Variants in CRIM1 observed in about 807,000 individuals in gnomAD.
The protein encoded by CRIM1 is cysteine rich transmembrane BMP regulator 1, also known as cysteine-rich motor neuron 1 protein.
In CRIM1, 32 loss-of-function variants were observed where a neutral mutation model predicts 116.4. The observed-to-expected ratio is 0.27, with a 90% CI of 0.21 to 0.37. The LOEUF is 0.37. CRIM1 is among the 10% of genes least tolerant of loss of function. The pLI, the probability that CRIM1 is intolerant of heterozygous loss-of-function variation, is 1.00. For synonymous variants in CRIM1, 590 were observed against 509.2 expected (o/e 1.16, Z -2.13); for missense variants, 1,331 against 1,354.8 (o/e 0.98, Z 0.28).
In CRIM1 at chr2:36,359,290, T is replaced by C. The variant is rs115875515; in HGVS notation, c.331+2667T>C. Reference sequence around the variant, plus strand: ...GGCTACGTTGTAAAAACATATTGCATGTTATAGAAATATTATCATGACTAA... The same window carrying C: ...GGCTACGTTGTAAAAACATATTGCACGTTATAGAAATATTATCATGACTAA... On this transcript the variant is annotated intron_variant, in intron 1 of 16. Transcript: ENST00000280527. 2.4e-3 allele frequency among the ~76,000 whole-genome samples: 359 copies of C among 152,360 alleles called. 3 individuals carry two copies. Among genetic ancestry groups the C allele is most frequent in the African/African-American group, 8.3e-3 (343 of 41,572 alleles).
intron 7 of CRIM1, among the ~76,000 whole-genome samples, chr2:36,497,374 T>C (rs913131369): frequency 6.6e-6 from 1 of 152,120 alleles, no homozygotes; most frequent in East Asian, 1.9e-4. Context: ...TAGAGTAATT[T>C]TGACAAAACA....
intron 7 of CRIM1, among the ~76,000 whole-genome samples, chr2:36,496,909 ACAG>A (rs1373076955): frequency 6.6e-6 from 1 of 152,190 alleles, no homozygotes; most frequent in Admixed American, 6.6e-5. Flanking sequence ...TTTTTAAAAA[ACAG>A]CACATACATC....
chr2:36,464,033 C>G (rs551058980), intron 4 of CRIM1, among the ~76,000 whole-genome samples: 4 of 152,178 alleles, frequency 2.6e-5, no homozygotes, highest in Admixed American at 1.3e-4. Flanking sequence ...CAAGAAAATA[C>G]TAAAAAGCTA....
chr2:36,372,347 A>G (rs930882669), intron 1 of CRIM1, among the ~76,000 whole-genome samples: 32 of 152,178 alleles, frequency 2.1e-4, no homozygotes, highest in Admixed American at 1.7e-3. Flanking sequence ...CCAACTTGTT[A>G]TTTAGTAATT....
At chr2:36,436,815 C>A (rs896468400) in intron 2 of CRIM1, among the ~76,000 whole-genome samples, 2 of 152,056 alleles carry the variant, frequency 1.3e-5, no homozygotes, top group African/African-American at 4.8e-5. Flanking sequence ...GGCAGTAAGA[C>A]TATAAATTAA....
intron 16 of CRIM1, among the ~76,000 whole-genome samples, 166 bp downstream of exon 16, chr2:36,547,337 G>A (rs1191048219): frequency 2.0e-5 from 3 of 152,136 alleles, no homozygotes. Context: ...CATAGTACTT[G>A]CCCAGGGCTG....
chr2:36,408,815 G>A (rs1673003434), intron 2 of CRIM1, among the ~76,000 whole-genome samples: 1 of 152,084 alleles, frequency 6.6e-6, no homozygotes, highest in African/African-American at 2.4e-5. Context: ...CTGTGCAAGG[G>A]AAGTTCAAGA....
intron 1 of CRIM1, among the ~76,000 whole-genome samples, chr2:36,381,303 C>T (rs938255069): frequency 2.6e-5 from 4 of 152,192 alleles, no homozygotes; most frequent in Non-Finnish European, 2.9e-5. Flanking sequence ...TGCTGCCCAG[C>T]GCGGCCCCAC....
intron 5 of CRIM1, among the ~76,000 whole-genome samples, chr2:36,471,736 C>CAA (rs1678533499): frequency 6.9e-6 from 1 of 145,610 alleles, no homozygotes; most frequent in South Asian, 2.1e-4. Context: ...AACACACACA[C>CAA]ACACACACAC....
At chr2:36,430,195 A>ACT (rs753855147) in intron 2 of CRIM1, among the ~76,000 whole-genome samples, 7 of 152,206 alleles carry the variant, frequency 4.6e-5, no homozygotes, top group Non-Finnish European at 8.8e-5. Flanking sequence ...AACAGGGAGT[A>ACT]CTTTTTCCAC....
intron 2 of CRIM1, among the ~76,000 whole-genome samples, chr2:36,418,308 T>A (rs560713739): frequency 1.1e-4 from 16 of 152,240 alleles, no homozygotes; most frequent in Admixed American, 2.0e-4. Context: ...TGAGCTCTTT[T>A]TATTGTTTGC....
intron 14 of CRIM1, among the ~76,000 whole-genome samples, chr2:36,542,216 G>C (rs1558420172): frequency 6.6e-6 from 1 of 152,196 alleles, no homozygotes; most frequent in Admixed American, 6.5e-5. Context: ...AGACCCATGG[G>C]GGCCAGGATT....
At chr2:36,526,636 A>G (rs545296695) in intron 13 of CRIM1, among the ~76,000 whole-genome samples, 84 of 152,064 alleles carry the variant, frequency 5.5e-4, no homozygotes, top group African/African-American at 1.8e-3. Flanking sequence ...GACCACATCA[A>G]CCTTGCTCTA....
chr2:36,417,588 A>T (rs540922982), intron 2 of CRIM1, among the ~76,000 whole-genome samples: 2 of 152,156 alleles, frequency 1.3e-5, no homozygotes, highest in Admixed American at 6.5e-5. Context: ...AGGATCTTCA[A>T]AGCTAAAGAC....
intron 1 of CRIM1, among the ~76,000 whole-genome samples, chr2:36,390,614 A>C (rs796599244): frequency 2.6e-5 from 4 of 152,122 alleles, no homozygotes; most frequent in African/African-American, 9.6e-5. Context: ...TTTTTAGTAC[A>C]GGGGCAAGTG....
At chr2:36,512,743 A>G (rs1664777300) in intron 10 of CRIM1, among the ~76,000 whole-genome samples, 1 of 152,220 alleles carries the variant, frequency 6.6e-6, no homozygotes, top group African/African-American at 2.4e-5. Flanking sequence ...TGCAACAGTA[A>G]ATAGCCCCAT....
At chr2:36,375,988 C>A (rs1252294171) in intron 1 of CRIM1, among the ~76,000 whole-genome samples, 6 of 152,016 alleles carry the variant, frequency 3.9e-5, no homozygotes, top group Admixed American at 3.9e-4. Context: ...CCACCACTAC[C>A]AAAATATGTA....
Position 36,522,233 on chromosome 2 carries a change from G to A in CRIM1, c.2348G>A (p.Ser783Asn). The A allele has an allele frequency of 6.2e-7, 1 of 1,614,156 alleles. No individual in the cohort carries two copies. The highest frequency in any genetic ancestry group is 8.5e-7 in the Non-Finnish European group (1 of 1,180,032). Residue 783 changes from serine to asparagine, a missense_variant, in exon 13 of 17, where the codon AGC (serine) becomes AAC (asparagine). Ser to Asn is a conservative substitution (Grantham distance 46). Around this residue, in one of 3 missense-constraint regions of CRIM1, gnomAD observed 358 missense variants for 436.1 expected, o/e 0.82. Coordinates refer to ENST00000280527, the MANE Select transcript of CRIM1 (RefSeq NM_016441.3). ...TGCATCTGCATTGATAGCGTAATTA[G>A]CTGTTTCTCTGAGTCCTGCCCTTCT... is the stretch of plus-strand genomic sequence containing the variant. ...TSCICIDSVI[S>N]CFSESCPSVS...
intron 1 of CRIM1, chr2:36,378,449 G>C (rs1023105292): frequency 4.3e-6 from 2 of 469,926 alleles, no homozygotes; most frequent in South Asian, 3.1e-5. Flanking sequence ...TGCAACAGTA[G>C]GGAAAGGAGT....
Sources: allele counts gnomAD v4.1 joint callset (sites outside exome capture counted in the v4.1 genomes callset), GRCh38; gene constraint gnomAD v4.1.1; regional missense constraint gnomAD v4.1.1; transcripts MANE v1.5; gene names NCBI Gene and HGNC (gene_info 2026-07-23, HGNC 2026-07-21).